STARD13: variants seen among roughly 807,000 people sequenced by gnomAD.
The protein encoded by STARD13 is stAR-related lipid transfer protein 13.
A neutral mutation model predicts 106.4 loss-of-function variants in STARD13; 62 were observed. The ratio of observed to expected loss-of-function variants is 0.58; its 90% CI spans 0.48 to 0.72. The LOEUF is 0.72. Ranked by LOEUF, STARD13 falls within the 30% of genes least tolerant of loss-of-function variation. The pLI is 0.00. For missense variants in STARD13, 1,387 were observed against 1,424.0 expected, an observed-to-expected ratio of 0.97 and a Z score of 0.42; for synonymous variants, 565 against 553.0, an observed-to-expected ratio of 1.02 and a Z score of -0.31.
chr13:33,533,477 G>A, the STARD13 span, among the ~76,000 whole-genome samples: 161 of 152,184 alleles, frequency 1.1e-3, 2 homozygotes, highest in African/African-American at 3.5e-3. Flanking sequence ...AAATACTATG[G>A]CACCCACCTG....
At chr13:33,618,577 A>T in the STARD13 span, among the ~76,000 whole-genome samples, 1 of 152,088 alleles carries the variant, frequency 6.6e-6, no homozygotes, top group Non-Finnish European at 1.5e-5. Flanking sequence ...TATTGAGGAT[A>T]CAAATTAAAT....
chr13:33,192,691 G>C (rs1270476085), intron 1 of STARD13, among the ~76,000 whole-genome samples: 2 of 152,134 alleles, frequency 1.3e-5, no homozygotes, highest in Admixed American at 6.5e-5. Flanking sequence ...CTGAGGTCGG[G>C]AGTTCAAGAC....
chr13:33,140,716 C>T (rs981680399), intron 4 of STARD13, among the ~76,000 whole-genome samples: 2 of 150,506 alleles, frequency 1.3e-5, no homozygotes, highest in African/African-American at 2.4e-5. Flanking sequence ...AATCCTTTGG[C>T]TTTAATGATT....
intron 3 of STARD13, among the ~76,000 whole-genome samples, chr13:33,153,588 G>A (rs1881578116): frequency 1.3e-5 from 2 of 152,212 alleles, no homozygotes; most frequent in Non-Finnish European, 2.9e-5. Context: ...GAAGCCTGGA[G>A]AGACACCCAG....
At chr13:33,195,414 C>A (rs574506371) in intron 1 of STARD13, among the ~76,000 whole-genome samples, 1 of 152,216 alleles carries the variant, frequency 6.6e-6, no homozygotes, top group Admixed American at 6.5e-5. Flanking sequence ...CCCCGGGGAC[C>A]ACATTTTTCT....
chr13:33,503,193 T>A, the STARD13 span, among the ~76,000 whole-genome samples: 1 of 152,220 alleles, frequency 6.6e-6, no homozygotes, highest in Non-Finnish European at 1.5e-5. Flanking sequence ...TATTCTCTGA[T>A]GGTAGTTTGT....
At chr13:33,346,900 A>G (rs1014848164), downstream of STARD13, among the ~76,000 whole-genome samples, 1 of 151,860 alleles carries the variant, frequency 6.6e-6, no homozygotes. Flanking sequence ...AGCCTCCCAA[A>G]GTAGTAGGAT....
Position 33,129,078 on chromosome 13 carries a change from G to A in STARD13, c.1599C>T (p.Thr533=). The A allele has an allele frequency of 6.2e-7, 1 of 1,614,076 alleles. No individual in the cohort carries two copies. The highest frequency in any genetic ancestry group is 8.5e-7 in the Non-Finnish European group (1 of 1,180,024). The change falls in exon 5 of 14, where the codon ACC becomes ACT. Residue 533 remains threonine (T), a synonymous_variant. Transcript: ENST00000336934. ...LSTFPSPNQI[T]LDFEGNSVSE... ...AGACAGAGTTACCTTCAAAATCTAA[G>A]GTGATCTGATTAGGAGATGGAAAGG...
intron 1 of STARD13, among the ~76,000 whole-genome samples, chr13:33,167,840 T>C (rs1883506623): frequency 6.6e-6 from 1 of 152,132 alleles, no homozygotes; most frequent in Non-Finnish European, 1.5e-5. Context: ...ATCTTCAATG[T>C]AGATCCATAA....
intron 1 of STARD13, among the ~76,000 whole-genome samples, chr13:33,230,548 ATCT>A (rs1888864996): frequency 2.0e-5 from 3 of 152,232 alleles, no homozygotes; most frequent in African/African-American, 7.2e-5. Context: ...AGCTTTCATA[ATCT>A]TCTTTTGTAA....
At chr13:33,291,382 T>G (rs559542490) in intron 1 of STARD13, among the ~76,000 whole-genome samples, 4 of 152,218 alleles carry the variant, frequency 2.6e-5, no homozygotes, top group Non-Finnish European at 5.9e-5. Context: ...TGCTCTCTTT[T>G]GGATCTGCTC....
At chr13:33,148,450 A>C (rs1158731765) in intron 3 of STARD13, among the ~76,000 whole-genome samples, 1 of 152,258 alleles carries the variant, frequency 6.6e-6, no homozygotes, top group Non-Finnish European at 1.5e-5. Flanking sequence ...AAGGAGATGA[A>C]TATATGGTAA....
At chr13:33,531,414 CCATT>C in the STARD13 span, among the ~76,000 whole-genome samples, 1 of 152,104 alleles carries the variant, frequency 6.6e-6, no homozygotes, top group East Asian at 1.9e-4. Context: ...CTTGTGAATG[CCATT>C]CAAATTATTC....
chr13:33,157,136 G>A (rs1007941782), intron 3 of STARD13, among the ~76,000 whole-genome samples: 3 of 151,622 alleles, frequency 2.0e-5, no homozygotes, highest in Non-Finnish European at 4.4e-5. Flanking sequence ...TAGATAAATT[G>A]TAGATACCAT....
the STARD13 span, among the ~76,000 whole-genome samples, chr13:33,568,304 C>T: frequency 8.6e-4 from 127 of 147,872 alleles, 11 homozygotes; most frequent in Admixed American, 3.9e-3. Flanking sequence ...GACCTGGAAT[C>T]GACTTCAGAA....
chr13:33,481,532 T>A, the STARD13 span, among the ~76,000 whole-genome samples: 1 of 152,130 alleles, frequency 6.6e-6, no homozygotes, highest in Non-Finnish European at 1.5e-5. Flanking sequence ...GTCCAGTCTG[T>A]GTGAAATTTT....
In STARD13 at chr13:33,341,604, AAAG is replaced by A. The variant is rs546295434; in HGVS notation, c.124+8683_124+8685del. 6.4e-3 allele frequency among the ~76,000 whole-genome samples: 966 copies of A among 151,824 alleles called. 9 individuals are homozygous for A. Among genetic ancestry groups the A allele is most frequent in the African/African-American group, 0.022 (901 of 41,370 alleles). On this transcript the variant is annotated intron_variant, in intron 1 of 5. Coordinates refer to the STARD13 transcript ENST00000567873. ...AGACTCCGTCTCCAAAAAAAAAAAA[AAAG>A]AAGAAGAAAAAAAGAAATTTCAGCG... is the stretch of plus-strand genomic sequence containing the variant.
the STARD13 span, among the ~76,000 whole-genome samples, chr13:33,542,674 C>G: frequency 6.6e-6 from 1 of 152,256 alleles, no homozygotes; most frequent in African/African-American, 2.4e-5. Context: ...GGTTCTGGCC[C>G]CGCCCTCACG....
chr13:33,189,134 C>T (rs180820572), intron 1 of STARD13, among the ~76,000 whole-genome samples: 36 of 152,024 alleles, frequency 2.4e-4, no homozygotes, highest in African/African-American at 8.7e-4. Context: ...ATGAATAGCT[C>T]GATGCTTCAT....
Sources: allele counts gnomAD v4.1 joint callset (sites outside exome capture counted in the v4.1 genomes callset), GRCh38; gene constraint gnomAD v4.1.1; transcripts MANE v1.5; gene names NCBI Gene and HGNC (gene_info 2026-07-23, HGNC 2026-07-21).